EYA4: variants seen among roughly 807,000 people sequenced by gnomAD.
EYA4 encodes EYA transcriptional coactivator and phosphatase 4.
A neutral mutation model predicts 87.9 loss-of-function variants in EYA4; 31 were observed. The ratio of observed to expected loss-of-function variants is 0.35; its 90% CI spans 0.27 to 0.48. The LOEUF (loss-of-function observed/expected upper bound fraction) is 0.48. EYA4 is among the 20% of genes least tolerant of loss of function. EYA4 has a pLI of 0.99. For synonymous variants in EYA4, 263 were observed against 270.6 expected, an observed-to-expected ratio of 0.97 and a Z score of 0.28; for missense variants, 678 against 761.4, an observed-to-expected ratio of 0.89 and a Z score of 1.29.
chr6:133,484,955 A>G (rs955296626), intron 13 of EYA4, among the ~76,000 whole-genome samples: 1 of 152,134 alleles, frequency 6.6e-6, no homozygotes. Context: ...ATCTTTCTTT[A>G]AAAATAGAAA....
chr6:133,256,565 A>G (rs944731409), intron 1 of EYA4, among the ~76,000 whole-genome samples: 6 of 152,100 alleles, frequency 3.9e-5, no homozygotes, highest in Non-Finnish European at 8.8e-5. Context: ...ACATTACTCC[A>G]TTATAAATGT....
chr6:133,388,764 G>GTGGCAT lies in EYA4; in HGVS notation c.83+6325_83+6330dup, dbSNP rs561216069. On this transcript the variant is annotated intron_variant, in intron 3 of 19. Coordinates refer to ENST00000355286, the MANE Select transcript of EYA4 (RefSeq NM_004100.5). ...AACCAAAAGGAGGAAGGGCCTCACA[G>GTGGCAT]TGGCATTTCTTCATTCATACCGTGT... 5.9e-5 allele frequency among the ~76,000 whole-genome samples: 9 copies of GTGGCAT among 152,328 alleles called. No individual in the cohort carries two copies. The East Asian group carries it at 1.7e-3, about 29-fold the overall frequency.
At chr6:133,510,577 T>C in intron 14 of EYA4, 1 of 257,220 alleles carries the variant, frequency 3.9e-6, no homozygotes, top group Non-Finnish European at 7.8e-6. Flanking sequence ...GCAATGCCTT[T>C]ACTGGATGTT....
intron 3 of EYA4, among the ~76,000 whole-genome samples, chr6:133,428,139 G>A (rs1046540953): frequency 6.6e-6 from 1 of 152,198 alleles, no homozygotes; most frequent in Non-Finnish European, 1.5e-5. Context: ...GTGGACATAT[G>A]AAGTTAGAAG....
chr6:133,498,744 A>T lies in EYA4; in HGVS notation c.1192-7362A>T, dbSNP rs112703235. On this transcript the variant is annotated intron_variant, in intron 13 of 19. Transcript: ENST00000355286. ...TGTATATAGTGTGTACATAAATATCATACATATGCATGTGAAAATAAAGCC... is the reference window on the plus strand; with the variant it reads ...TGTATATAGTGTGTACATAAATATCTTACATATGCATGTGAAAATAAAGCC... 3.4e-4 allele frequency among the ~76,000 whole-genome samples: 52 copies of T among 152,338 alleles called. 1 individual carries two copies. The highest frequency in any genetic ancestry group is 1.2e-3 in the African/African-American group (51 of 41,578).
intron 3 of EYA4, among the ~76,000 whole-genome samples, chr6:133,396,658 A>G (rs1787826070): frequency 6.6e-6 from 1 of 152,160 alleles, no homozygotes; most frequent in South Asian, 2.1e-4. Flanking sequence ...TGTTTTAAAG[A>G]GAAACAATGA....
intron 2 of EYA4, among the ~76,000 whole-genome samples, chr6:133,321,279 G>A (rs552648862): frequency 2.6e-4 from 39 of 152,108 alleles, no homozygotes; most frequent in African/African-American, 9.2e-4. Context: ...ATAAATTCTT[G>A]ATGTCAAGAA....
At chr6:133,286,117 T>C (rs1369558313) in intron 2 of EYA4, among the ~76,000 whole-genome samples, 3 of 152,168 alleles carry the variant, frequency 2.0e-5, no homozygotes, top group East Asian at 1.9e-4. Flanking sequence ...CCCAGAATGA[T>C]TCTTTGGTCT....
At chr6:133,283,484 C>T (rs933426207) in intron 2 of EYA4, among the ~76,000 whole-genome samples, 3 of 151,922 alleles carry the variant, frequency 2.0e-5, no homozygotes, top group Non-Finnish European at 4.4e-5. Flanking sequence ...ATAGAGGTAC[C>T]ATGCCAAGTG....
At chr6:133,483,294 A>G (rs1283755318) in intron 13 of EYA4, among the ~76,000 whole-genome samples, 179 bp downstream of exon 13, 1 of 152,206 alleles carries the variant, frequency 6.6e-6, no homozygotes, top group Non-Finnish European at 1.5e-5. Context: ...AAATTTAACA[A>G]AGCTAATTAT....
intron 14 of EYA4, chr6:133,510,545 C>T: frequency 4.0e-6 from 1 of 249,170 alleles, no homozygotes; most frequent in Non-Finnish European, 8.2e-6. Flanking sequence ...AAAGCCCAGT[C>T]CAGCAGTTAC....
chr6:133,402,830 A>G (rs1477001744), intron 3 of EYA4, among the ~76,000 whole-genome samples: 6 of 152,218 alleles, frequency 3.9e-5, no homozygotes, highest in Admixed American at 3.9e-4. Context: ...TAGAGAAACA[A>G]GAGGGAGGGT....
intron 2 of EYA4, among the ~76,000 whole-genome samples, chr6:133,288,139 A>T (rs923326912): frequency 1.3e-5 from 2 of 152,002 alleles, no homozygotes; most frequent in Non-Finnish European, 2.9e-5. Context: ...ATTTCAATAA[A>T]AAAAAGGCTT....
intron 17 of EYA4, among the ~76,000 whole-genome samples, chr6:133,518,476 C>A (rs544505103): frequency 2.0e-5 from 3 of 152,094 alleles, no homozygotes; most frequent in African/African-American, 7.2e-5. Flanking sequence ...TTGCACCAAC[C>A]CAATAGTTTT....
In EYA4 at chr6:133,285,969, A is replaced by G. The variant is rs1203923785; in HGVS notation, c.33+11156A>G. ...GCAGAGACATTGCTGTGTTTTCACCAACCCTCTTTCATACCCCTCTTTTCT... is the reference window on the plus strand; with the variant it reads ...GCAGAGACATTGCTGTGTTTTCACCGACCCTCTTTCATACCCCTCTTTTCT... On this transcript the variant is annotated intron_variant, in intron 2 of 19. Coordinates refer to ENST00000355286, the MANE Select transcript of EYA4 (RefSeq NM_004100.5). Among the ~76,000 whole-genome samples the G allele has an allele frequency of 2.0e-5, 3 of 152,198 alleles. 1 individual carries two copies. The highest frequency in any genetic ancestry group is 6.5e-5 in the Admixed American group (1 of 15,274).
At chr6:133,515,464 T>C in intron 17 of EYA4, 29 bp downstream of exon 17, 1 of 1,203,350 alleles carries the variant, frequency 8.3e-7, no homozygotes, top group Non-Finnish European at 1.2e-6. Flanking sequence ...TTTCTATGTG[T>C]ATCGTATTGA....
Position 133,333,898 on chromosome 6 carries a change from C to T in EYA4, c.34-48494C>T, listed in dbSNP as rs1048426829. Among the ~76,000 whole-genome samples, 7 of 151,542 alleles carry T rather than the reference C, an allele frequency of 4.6e-5. 1 individual carries two copies. In the Middle Eastern group the frequency reaches 0.014, roughly 299 times the overall value. On this transcript the variant is annotated intron_variant, in intron 2 of 19. Coordinates refer to ENST00000355286, the MANE Select transcript of EYA4 (RefSeq NM_004100.5). ...TTTCAGATAGCTAAGCTAATCTTGCCTTCTGAAAAAAGGTTTTTTTAGGGT... is the reference window on the plus strand; with the variant it reads ...TTTCAGATAGCTAAGCTAATCTTGCTTTCTGAAAAAAGGTTTTTTTAGGGT...
At chr6:133,385,558 T>A (rs1786678836) in intron 3 of EYA4, among the ~76,000 whole-genome samples, 1 of 152,056 alleles carries the variant, frequency 6.6e-6, no homozygotes, top group African/African-American at 2.4e-5. Context: ...CCGCATAAAA[T>A]GTGAGCCAGA....
intron 11 of EYA4, among the ~76,000 whole-genome samples, chr6:133,477,734 G>C (rs212774): frequency 0.43 from 64,521 of 151,536 alleles, 13,935 homozygotes; most frequent in Admixed American, 0.46. Flanking sequence ...TAAATTAATT[G>C]CCACTTCTCC....
Sources: gnomAD v4.1 joint callset for allele counts (sites outside exome capture counted in the v4.1 genomes callset) on GRCh38, gnomAD v4.1.1 for gene constraint, MANE v1.5 for transcripts, NCBI Gene and HGNC (gene_info 2026-07-23, HGNC 2026-07-21) for gene names.